AP3B1: variants seen among roughly 807,000 people sequenced by gnomAD.
AP3B1 encodes adaptor related protein complex 3 subunit beta 1.
AP3B1 carries 61 observed loss-of-function variants against 132.5 expected under a neutral mutation model. The ratio of observed to expected loss-of-function variants is 0.46; its 90% confidence interval spans 0.37 to 0.57. The LOEUF (loss-of-function observed/expected upper bound fraction) is 0.57, where lower values mean the gene tolerates loss of function less well. AP3B1 is among the 20% of genes least tolerant of loss of function. The pLI is 0.00. For missense variants in AP3B1, 1,120 were observed against 1,289.4 expected (o/e 0.87, Z 2.01); for synonymous variants, 388 against 438.3 (o/e 0.89, Z 1.43).
At chr5:78,044,271 G>A (rs1480900772) in intron 22 of AP3B1, 5 of 152,438 alleles carry the variant, frequency 3.3e-5, no homozygotes, top group African/African-American at 9.6e-5. Context: ...CTCAGCAAAA[G>A]TTTTCTTTTT....
At chr5:78,099,726 T>C (rs552595172) in intron 21 of AP3B1, among the ~76,000 whole-genome samples, 7 of 151,948 alleles carry the variant, frequency 4.6e-5, no homozygotes, top group South Asian at 4.2e-4. Flanking sequence ...GAAACCCGCC[T>C]CTACTAAAAA....
intron 22 of AP3B1, chr5:78,043,495 C>T: frequency 4.0e-6 from 1 of 250,920 alleles, no homozygotes; most frequent in South Asian, 5.5e-5. Context: ...TCCTCTCTTT[C>T]CTTCTCCAAA....
chr5:78,292,023 A>G (rs1286830084), intron 1 of AP3B1, among the ~76,000 whole-genome samples: 1 of 152,180 alleles, frequency 6.6e-6, no homozygotes, highest in East Asian at 1.9e-4. Flanking sequence ...TGGCAGAGAG[A>G]GTAAGCAAGC....
intron 7 of AP3B1, among the ~76,000 whole-genome samples, chr5:78,191,207 A>T (rs1299721049): frequency 1.3e-5 from 2 of 152,132 alleles, no homozygotes; most frequent in Non-Finnish European, 2.9e-5. Context: ...GTCAGTGAGA[A>T]CTAGAAAAGC....
intron 22 of AP3B1, among the ~76,000 whole-genome samples, chr5:78,069,205 A>T (rs1399202117): frequency 2.6e-5 from 4 of 152,230 alleles, no homozygotes; most frequent in Non-Finnish European, 5.9e-5. Flanking sequence ...GCACAAGACA[A>T]GGATGCTCTC....
intron 19 of AP3B1, among the ~76,000 whole-genome samples, chr5:78,112,013 T>C (rs984988643): frequency 1.3e-5 from 2 of 152,172 alleles, no homozygotes; most frequent in East Asian, 1.9e-4. Context: ...TGAAAATACC[T>C]TGGAGTGTAA....
At chr5:78,057,580 T>C (rs376954969) in intron 22 of AP3B1, among the ~76,000 whole-genome samples, 15 of 152,324 alleles carry the variant, frequency 9.8e-5, no homozygotes, top group East Asian at 5.8e-4. Flanking sequence ...AACATCTAAA[T>C]GTACAGCCCT....
chr5:78,169,693 G>T (rs1280845174), intron 11 of AP3B1, among the ~76,000 whole-genome samples: 1 of 152,022 alleles, frequency 6.6e-6, no homozygotes, highest in East Asian at 1.9e-4. Flanking sequence ...CTCCCAAAGT[G>T]CTAGCAATAC....
chr5:78,276,563 T>TC (rs112729583), intron 1 of AP3B1, among the ~76,000 whole-genome samples: 4,664 of 151,962 alleles, frequency 0.031, 122 homozygotes, highest in East Asian at 0.14. Context: ...AAAGACACTA[T>TC]CTCCACAAAA....
intron 4 of AP3B1, 143 bp downstream of exon 4, chr5:78,228,001 C>A: frequency 3.7e-6 from 2 of 544,926 alleles, no homozygotes; most frequent in Admixed American, 3.7e-5. Context: ...TCTAAGTGTA[C>A]TGAGTAGGCA....
intron 22 of AP3B1, among the ~76,000 whole-genome samples, chr5:78,040,415 C>A (rs569474640): frequency 1.3e-4 from 19 of 151,962 alleles, no homozygotes; most frequent in Non-Finnish European, 1.9e-4. Context: ...TTTTTGTAGA[C>A]CTACAATATA....
At chr5:78,201,037 G>A (rs888892755) in intron 7 of AP3B1, among the ~76,000 whole-genome samples, 4 of 152,092 alleles carry the variant, frequency 2.6e-5, no homozygotes, top group Non-Finnish European at 5.9e-5. Context: ...AGGAATATGC[G>A]GACACAGTGA....
At chr5:78,004,619 T>C (rs903898697) in intron 26 of AP3B1, among the ~76,000 whole-genome samples, 2 of 152,226 alleles carry the variant, frequency 1.3e-5, no homozygotes, top group Admixed American at 1.3e-4. Flanking sequence ...CCAAAACAGA[T>C]ATGCTAATTT....
At chr5:78,232,707 C>A (rs1018277591) in intron 3 of AP3B1, among the ~76,000 whole-genome samples, 1 of 152,030 alleles carries the variant, frequency 6.6e-6, no homozygotes, top group Non-Finnish European at 1.5e-5. Context: ...ATGTTTTATT[C>A]TTTCTTTCTT....
chr5:78,131,703 A>T (rs1752693528), intron 15 of AP3B1, among the ~76,000 whole-genome samples: 1 of 152,132 alleles, frequency 6.6e-6, no homozygotes, highest in Non-Finnish European at 1.5e-5. Flanking sequence ...ACGATAGGTG[A>T]GATAGTGCAA....
At position 78,012,907 on chromosome 5, in the gene AP3B1, T is replaced by C. The variant is rs140208174; in HGVS notation, c.3131+2503A>G. 5.4e-3 allele frequency among the ~76,000 whole-genome samples: 820 copies of C among 152,340 alleles called. 5 individuals carry two copies. The highest frequency in any genetic ancestry group is 9.7e-3 in the Non-Finnish European group (661 of 68,036). On this transcript the variant is annotated intron_variant, in intron 26 of 26. Transcript: ENST00000255194. ...TGAGCAGGTATTACAGGTATTACAT[T>C]CCAAACCAGCAAGACAAGTTACTGG...
intron 22 of AP3B1, among the ~76,000 whole-genome samples, chr5:78,055,761 T>C (rs549332516): frequency 6.6e-6 from 1 of 152,222 alleles, no homozygotes; most frequent in Non-Finnish European, 1.5e-5. Context: ...ATGGAAACTT[T>C]TTTGAATGTG....
At chr5:78,122,317 A>G (rs1009288116) in intron 17 of AP3B1, among the ~76,000 whole-genome samples, 1 of 152,216 alleles carries the variant, frequency 6.6e-6, no homozygotes, top group Non-Finnish European at 1.5e-5. Flanking sequence ...CACCACTCCT[A>G]TTCAACATAG....
At chr5:78,160,353 AAT>A (rs1330062956) in intron 13 of AP3B1, among the ~76,000 whole-genome samples, 2 of 152,146 alleles carry the variant, frequency 1.3e-5, no homozygotes, top group African/African-American at 4.8e-5. Flanking sequence ...AAATTTCGCT[AAT>A]ATGTTACCTA....
Sources: allele counts gnomAD v4.1 joint callset (sites outside exome capture counted in the v4.1 genomes callset), GRCh38; gene constraint gnomAD v4.1.1; transcripts MANE v1.5; gene names NCBI Gene and HGNC (gene_info 2026-07-23, HGNC 2026-07-21).